The following PDIA6 variants were observed in gnomAD, a reference collection of about 807,000 sequenced individuals.
PDIA6 encodes the protein protein disulfide isomerase family A member 6, also known as protein disulfide-isomerase A6.
In PDIA6, 29 loss-of-function variants were observed where a neutral mutation model predicts 58.4. The observed-to-expected ratio is 0.50, with a 90% confidence interval of 0.37 to 0.68. The LOEUF (loss-of-function observed/expected upper bound fraction) is 0.68, where lower values mean the gene tolerates loss of function less well. Among genes scored for constraint, PDIA6 ranks in the 30% least tolerant of loss-of-function variants. PDIA6 has a pLI of 0.00. For missense variants in PDIA6, 480 were observed against 551.0 expected (o/e 0.87, Z 1.29); for synonymous variants, 192 against 202.6 (o/e 0.95, Z 0.44).
At chr2:10,808,848 C>T (rs1734446) in intron 1 of PDIA6, among the ~76,000 whole-genome samples, 74,236 of 151,954 alleles carry the variant, frequency 0.49, 19,673 homozygotes, top group South Asian at 0.58. Context: ...TTTTTTGAGA[C>T]GGCGTCTCAC....
At chr2:10,830,100 C>G (rs1667669019) in intron 1 of PDIA6, among the ~76,000 whole-genome samples, 1 of 152,166 alleles carries the variant, frequency 6.6e-6, no homozygotes, top group Non-Finnish European at 1.5e-5. Context: ...TCACCCCAGG[C>G]CCTGGGAGGT....
chr2:10,824,138 T>C (rs2148578562), intron 1 of PDIA6, among the ~76,000 whole-genome samples: 1 of 152,050 alleles, frequency 6.6e-6, no homozygotes, highest in East Asian at 1.9e-4. Flanking sequence ...TCAAAAATGT[T>C]GGTTCCATAC....
intron 6 of PDIA6, among the ~76,000 whole-genome samples, 170 bp from the exon 7 acceptor site, chr2:10,791,003 C>T (rs1327701849): frequency 6.6e-6 from 1 of 152,194 alleles, no homozygotes; most frequent in East Asian, 1.9e-4. Context: ...TGTGCCACCA[C>T]CCACTGTTAA....
chr2:10,829,340 G>A (rs905891254), intron 1 of PDIA6, among the ~76,000 whole-genome samples: 1 of 152,174 alleles, frequency 6.6e-6, no homozygotes, highest in African/African-American at 2.4e-5. Context: ...AGGAGCACCC[G>A]TGCCTCACAG....
upstream of PDIA6, among the ~76,000 whole-genome samples, chr2:10,834,721 C>CCCTCCCTTCCCTCCCTCCTTCCTT (rs1303608003): frequency 2.2e-5 from 1 of 45,474 alleles, no homozygotes; most frequent in African/African-American, 8.4e-5. Flanking sequence ...CTCCCTCCCT[C>CCCTCCCTTCCCTCCCTCCTTCCTT]CCTTCCTTCC....
At chr2:10,804,212 G>A (rs1217287255) in intron 1 of PDIA6, among the ~76,000 whole-genome samples, 3 of 151,798 alleles carry the variant, frequency 2.0e-5, no homozygotes, top group Admixed American at 6.6e-5. Context: ...CCGGCCCTGT[G>A]TCCTAGTTTT....
At chr2:10,796,247 G>A (rs1666262677) in intron 4 of PDIA6, among the ~76,000 whole-genome samples, 1 of 151,950 alleles carries the variant, frequency 6.6e-6, no homozygotes, top group Non-Finnish European at 1.5e-5. Context: ...TAGAGACAGG[G>A]TTTCACCGTG....
exon 2 of PDIA6, chr2:10,819,299 T>G: frequency 1.3e-6 from 2 of 1,537,508 alleles, no homozygotes; most frequent in Non-Finnish European, 1.8e-6. Flanking sequence ...TGGTGGTTGA[T>G]GGATACATTA....
intron 1 of PDIA6, among the ~76,000 whole-genome samples, chr2:10,808,825 A>G (rs1242512516): frequency 6.6e-6 from 1 of 152,112 alleles, no homozygotes; most frequent in Admixed American, 6.5e-5. Context: ...ATGTAATCTC[A>G]TTATTTTTCT....
intron 1 of PDIA6, among the ~76,000 whole-genome samples, chr2:10,807,170 C>T (rs1053873780): frequency 6.6e-6 from 1 of 152,176 alleles, no homozygotes; most frequent in African/African-American, 2.4e-5. Flanking sequence ...ACAAGGTTTT[C>T]CTATTTGCAT....
intron 1 of PDIA6, chr2:10,810,443 G>C (rs937114202): frequency 1.5e-6 from 2 of 1,372,952 alleles, no homozygotes; most frequent in Non-Finnish European, 1.9e-6. Flanking sequence ...GAACAGACCA[G>C]GGTTTTTCAC....
Position 10,819,390 on chromosome 2 carries a change from G to C in PDIA6, c.-47-36C>G. 3 of 1,236,220 alleles carry C rather than the reference G, an allele frequency of 2.4e-6. No individual in the cohort carries two copies. The South Asian group carries it at 3.8e-5, about 16-fold the overall frequency. 76.6% of individuals were successfully genotyped at this position (1,236,220 alleles called of 1,614,324 possible). A position where few individuals can be genotyped will look rare whatever the true frequency, so the allele number is the denominator to read the frequency against. On this transcript the variant is annotated intron_variant, in intron 1 of 13. Transcript: ENST00000381611. ...GAGAGAAGAGGAGATGAGTGAGGTGGGGATGGGGAAACTATTACCGAATGT... is the reference window on the plus strand; with the variant it reads ...GAGAGAAGAGGAGATGAGTGAGGTGCGGATGGGGAAACTATTACCGAATGT...
At chr2:10,836,058 A>AC (rs1667825828), upstream of PDIA6, among the ~76,000 whole-genome samples, 1 of 151,784 alleles carries the variant, frequency 6.6e-6, no homozygotes, top group Non-Finnish European at 1.5e-5. Flanking sequence ...GTCTCAAAAA[A>AC]AAAAAAATAC....
chr2:10,794,937 A>C (rs1047239867), intron 4 of PDIA6, among the ~76,000 whole-genome samples: 1 of 152,120 alleles, frequency 6.6e-6, no homozygotes, highest in Non-Finnish European at 1.5e-5. Flanking sequence ...GAACAAAACA[A>C]AACAAAAATA....
upstream of PDIA6, among the ~76,000 whole-genome samples, chr2:10,835,159 CT>C (rs1265470956): frequency 6.6e-6 from 1 of 152,150 alleles, no homozygotes; most frequent in Non-Finnish European, 1.5e-5. Context: ...TGTGTGTGTA[CT>C]GTGGCCGCTG....
chr2:10,804,307 C>T (rs1199368425), intron 1 of PDIA6, among the ~76,000 whole-genome samples: 3 of 147,630 alleles, frequency 2.0e-5, no homozygotes, highest in East Asian at 2.0e-4. Flanking sequence ...GGTTTTAGGT[C>T]TAACGTTTAA....
At chr2:10,784,559 AC>A (rs111548775) in intron 12 of PDIA6, 57,321 of 502,004 alleles carry the variant, frequency 0.11, 4,053 homozygotes, top group African/African-American at 0.27. Context: ...ACTGGAAGCC[AC>A]TTGAACGTGT....
chr2:10,828,054 A>G (rs866631771), intron 1 of PDIA6, among the ~76,000 whole-genome samples: 88 of 152,104 alleles, frequency 5.8e-4, no homozygotes, highest in African/African-American at 1.8e-3. Context: ...CACTATCAAC[A>G]TCCCACACCG....
chr2:10,789,733 A>T lies in PDIA6; in HGVS notation c.840+16T>A. On this transcript the variant is annotated intron_variant, in intron 8 of 12. Transcript: ENST00000272227. ...TAAAAAAGCTTTCTGGACTACAAGC[A>T]GTTGAAGTGGTTTACCTCAAGCAGC... is the stretch of plus-strand genomic sequence containing the variant. 1 of 1,611,066 alleles carries T rather than the reference A, an allele frequency of 6.2e-7. No individual in the cohort carries two copies. The highest frequency in any genetic ancestry group is 8.5e-7 in the Non-Finnish European group (1 of 1,178,610).
Sources: gnomAD v4.1 joint callset for allele counts (sites outside exome capture counted in the v4.1 genomes callset) on GRCh38, gnomAD v4.1.1 for gene constraint, MANE v1.5 for transcripts, NCBI Gene and HGNC (gene_info 2026-07-23, HGNC 2026-07-21) for gene names.